CAV1: variants seen among roughly 807,000 people sequenced by gnomAD.
CAV1 encodes the protein caveolin 1, also known as caveolin-1.
CAV1 carries 10 observed loss-of-function variants against 16.5 expected under a neutral mutation model. That is an observed-to-expected ratio of 0.61 (90% CI 0.37 to 1.03). The LOEUF (loss-of-function observed/expected upper bound fraction) is 1.03, where lower values mean the gene tolerates loss of function less well. Ranked by LOEUF, CAV1 falls within the 50% of genes least tolerant of loss-of-function variation. The probability of loss-of-function intolerance (pLI) is 0.01; values close to 1 mark genes in which losing one functional copy is unlikely to be tolerated. For synonymous variants in CAV1, 76 were observed against 85.1 expected (o/e 0.89, Z 0.59); for missense variants, 212 against 232.8 (o/e 0.91, Z 0.58).
chr7:116,555,552 GAAAGAA>G (rs1562838415), intron 2 of CAV1, among the ~76,000 whole-genome samples: 9 of 36,648 alleles, frequency 2.5e-4, no homozygotes, highest in African/African-American at 3.9e-4. Context: ...GAGAAAGAAA[GAAAGAA>G]AGAAAGAAAG....
intron 1 of CAV1, chr7:116,525,354 A>G: frequency 6.5e-7 from 1 of 1,542,444 alleles, no homozygotes; most frequent in Non-Finnish European, 8.8e-7. Context: ...TGGGGTCCTG[A>G]GATTGGGTCT....
At chr7:116,549,294 G>A (rs1794112444) in intron 2 of CAV1, among the ~76,000 whole-genome samples, 1 of 151,954 alleles carries the variant, frequency 6.6e-6, no homozygotes, top group South Asian at 2.1e-4. Context: ...TTGGGGCCAG[G>A]TCTACACAAC....
chr7:116,554,980 G>A (rs545978064), intron 2 of CAV1, among the ~76,000 whole-genome samples: 4 of 152,070 alleles, frequency 2.6e-5, no homozygotes, highest in African/African-American at 2.4e-5. Flanking sequence ...CTTAACCCCC[G>A]GCAGTATTCT....
chr7:116,530,353 G>A (rs1046505304), intron 2 of CAV1, among the ~76,000 whole-genome samples: 1 of 151,860 alleles, frequency 6.6e-6, no homozygotes. Flanking sequence ...GATCTCTACT[G>A]TAAGCCTTCT....
Position 116,536,993 on chromosome 7 carries a change from G to C in CAV1, c.195+10304G>C, listed in dbSNP as rs368081048. On this transcript the variant is annotated intron_variant, in intron 2 of 2. Transcript: ENST00000341049. ...AGTCCGCAGTCCGGCCTGGGCAACA[G>C]AGCGAGACTCCGTCTCAAAAAAAAA... Among the ~76,000 whole-genome samples, 20 of 117,650 alleles carry C rather than the reference G, an allele frequency of 1.7e-4. No individual in the cohort carries two copies. The South Asian group carries it at 5.5e-3, about 32-fold the overall frequency. 77.2% of individuals were successfully genotyped at this position (117,650 alleles called of 152,430 possible). A position where few individuals can be genotyped will look rare whatever the true frequency, so the allele number is the denominator to read the frequency against.
chr7:116,558,590 A>G (rs1668012136), intron 2 of CAV1, among the ~76,000 whole-genome samples: 1 of 151,734 alleles, frequency 6.6e-6, no homozygotes, highest in African/African-American at 2.4e-5. Context: ...TCTTAAAAAA[A>G]AAAAAAAAAA....
intron 2 of CAV1, among the ~76,000 whole-genome samples, chr7:116,553,983 C>G (rs141066069): frequency 0.013 from 1,947 of 152,218 alleles, 36 homozygotes; most frequent in African/African-American, 0.044. Context: ...AGTGGAAGAG[C>G]CCAGGAGAGT....
intron 2 of CAV1, among the ~76,000 whole-genome samples, chr7:116,537,326 A>G (rs923332460): frequency 6.6e-6 from 1 of 152,068 alleles, no homozygotes; most frequent in Non-Finnish European, 1.5e-5. Flanking sequence ...GCAATGGGGC[A>G]AATCAAGGGG....
At chr7:116,555,542 G>GAGAGAGAGAA (rs1478856618) in intron 2 of CAV1, among the ~76,000 whole-genome samples, 33 of 12,134 alleles carry the variant, frequency 2.7e-3, no homozygotes, top group African/African-American at 5.4e-3. Flanking sequence ...GAGAGAGAGA[G>GAGAGAGAGAA]AGAAAGAAAG....
intron 2 of CAV1, among the ~76,000 whole-genome samples, chr7:116,528,937 C>T (rs1793628229): frequency 6.6e-6 from 1 of 152,112 alleles, no homozygotes; most frequent in Non-Finnish European, 1.5e-5. Flanking sequence ...TCAAGCAATT[C>T]TTCTGTCTCA....
intron 2 of CAV1, among the ~76,000 whole-genome samples, chr7:116,527,356 A>G (rs567162343): frequency 6.6e-6 from 1 of 152,304 alleles, no homozygotes; most frequent in East Asian, 1.9e-4. Context: ...CTATCTATGG[A>G]CACCTGCACT....
intron 2 of CAV1, among the ~76,000 whole-genome samples, chr7:116,558,180 C>T (rs1347273347): frequency 2.6e-5 from 4 of 152,132 alleles, no homozygotes; most frequent in South Asian, 2.1e-4. Context: ...AATTGTTAAC[C>T]GATTATCAAC....
At chr7:116,525,804 A>C in intron 1 of CAV1, 1 of 1,036,102 alleles carries the variant, frequency 9.7e-7, no homozygotes, top group Non-Finnish European at 1.2e-6. Context: ...GGAGCTGCGC[A>C]GGTGAGACTG....
intron 2 of CAV1, among the ~76,000 whole-genome samples, chr7:116,551,671 C>T (rs561142793): frequency 6.6e-6 from 1 of 152,110 alleles, no homozygotes; most frequent in South Asian, 2.1e-4. Context: ...AATTGAGTCG[C>T]TTAGAACAAC....
At chr7:116,525,357 T>A in intron 1 of CAV1, 2 of 1,538,840 alleles carry the variant, frequency 1.3e-6, no homozygotes. Flanking sequence ...GGTCCTGAGA[T>A]TGGGTCTGTT....
At chr7:116,544,573 G>GA (rs1320030024) in intron 2 of CAV1, among the ~76,000 whole-genome samples, 7 of 152,242 alleles carry the variant, frequency 4.6e-5, no homozygotes, top group Admixed American at 2.0e-4. Flanking sequence ...AGTCATTGAA[G>GA]AAAAAACATT....
At chr7:116,526,476 G>A (rs761094441) in intron 1 of CAV1, 49 bp from the exon 2 acceptor site, 44 of 1,611,922 alleles carry the variant, frequency 2.7e-5, no homozygotes, top group Non-Finnish European at 3.4e-6. Context: ...TCCTCCCACC[G>A]CCGTTGCCGC....
chr7:116,556,390 A>G (rs1794294547), intron 2 of CAV1, among the ~76,000 whole-genome samples: 1 of 152,196 alleles, frequency 6.6e-6, no homozygotes, highest in Non-Finnish European at 1.5e-5. Context: ...ATTATGAAAT[A>G]GCATACTCAC....
intron 2 of CAV1, among the ~76,000 whole-genome samples, chr7:116,541,206 C>T (rs917543210): frequency 3.3e-5 from 5 of 152,078 alleles, no homozygotes; most frequent in African/African-American, 7.2e-5. Context: ...GGTAGAGATT[C>T]TGGAGAAGCC....
Sources: allele counts gnomAD v4.1 joint callset (sites outside exome capture counted in the v4.1 genomes callset), GRCh38; gene constraint gnomAD v4.1.1; transcripts MANE v1.5; gene names NCBI Gene and HGNC (gene_info 2026-07-23, HGNC 2026-07-21).